Variants in MTMR12 observed in about 807,000 individuals in gnomAD.
The protein encoded by MTMR12 is myotubularin-related protein 12.
MTMR12 carries 33 observed loss-of-function variants against 96.7 expected under a neutral mutation model. The observed-to-expected ratio is 0.34, with a 90% CI of 0.26 to 0.46. The LOEUF (loss-of-function observed/expected upper bound fraction) is 0.46. Ranked by LOEUF, MTMR12 falls within the 20% of genes least tolerant of loss-of-function variation. The pLI is 1.00. For synonymous variants in MTMR12, 298 were observed against 327.2 expected (o/e 0.91, Z 0.96); for missense variants, 721 against 896.1 (o/e 0.80, Z 2.49).
At chr5:32,308,099 G>T (rs904366010) in intron 1 of MTMR12, among the ~76,000 whole-genome samples, 1 of 152,152 alleles carries the variant, frequency 6.6e-6, no homozygotes, top group East Asian at 1.9e-4. Flanking sequence ...CAAGGTGGGC[G>T]GGTCACGAGG....
intron 13 of MTMR12, among the ~76,000 whole-genome samples, chr5:32,237,260 A>C (rs1042248904): frequency 5.9e-5 from 9 of 152,156 alleles, no homozygotes; most frequent in African/African-American, 2.2e-4. Context: ...GTGTGTTTTC[A>C]TTTTTCCTTC....
chr5:32,310,413 T>C (rs1424269657), intron 1 of MTMR12, among the ~76,000 whole-genome samples: 1 of 152,110 alleles, frequency 6.6e-6, no homozygotes, highest in Non-Finnish European at 1.5e-5. Flanking sequence ...GTGTCCATCA[T>C]CAACAAATGA....
At chr5:32,268,608 A>C (rs1341407748) in intron 6 of MTMR12, 93 bp downstream of exon 6, 3 of 1,044,664 alleles carry the variant, frequency 2.9e-6, no homozygotes, top group Non-Finnish European at 4.4e-6. Context: ...GGAAAAAACA[A>C]AACAACCCAT....
In MTMR12 at chr5:32,227,032, C is replaced by T. The variant is rs2111958873; in HGVS notation, c.*2746G>A. 6.5e-6 allele frequency: 1 copy of T among 152,736 alleles called. No homozygotes were observed. The highest frequency in any genetic ancestry group is 1.9e-4 in the East Asian group (1 of 5,194). The allele number at this position is 152,736 out of a possible 1,614,324, so 9.5% of individuals were successfully genotyped here. A position where few individuals can be genotyped will look rare whatever the true frequency, so the allele number is the denominator to read the frequency against. On this transcript the variant is annotated 3_prime_UTR_variant, in exon 16 of 16. Transcript: ENST00000382142. Reference sequence around the variant, plus strand: ...TTGCTTGTAAATTGTGCTTTAATTTCTGCAATCAGATATGATGCAGTGAGA... The same window carrying T: ...TTGCTTGTAAATTGTGCTTTAATTTTTGCAATCAGATATGATGCAGTGAGA...
chr5:32,302,087 T>A (rs1751173228), intron 1 of MTMR12, among the ~76,000 whole-genome samples: 2 of 152,036 alleles, frequency 1.3e-5, no homozygotes, highest in African/African-American at 4.8e-5. Flanking sequence ...ATAAGCCCTA[T>A]CTTACGGCTG....
chr5:32,287,582 G>A (rs532777638), intron 1 of MTMR12, among the ~76,000 whole-genome samples: 3 of 152,208 alleles, frequency 2.0e-5, no homozygotes, highest in African/African-American at 7.2e-5. Flanking sequence ...TGTCCATCTA[G>A]GAACCCTAAT....
chr5:32,295,093 G>C (rs547354293), intron 1 of MTMR12, among the ~76,000 whole-genome samples: 9 of 152,342 alleles, frequency 5.9e-5, no homozygotes. Context: ...AACAGGATTT[G>C]TTTCCTGAAG....
At chr5:32,311,208 A>T (rs1015119857) in intron 1 of MTMR12, among the ~76,000 whole-genome samples, 8 of 152,158 alleles carry the variant, frequency 5.3e-5, no homozygotes, top group Non-Finnish European at 8.8e-5. Flanking sequence ...ACCCACAAAA[A>T]TTTTTTAAAT....
chr5:32,235,669 G>A (rs1260203990), intron 13 of MTMR12, among the ~76,000 whole-genome samples: 1 of 152,158 alleles, frequency 6.6e-6, no homozygotes, highest in East Asian at 1.9e-4. Context: ...CGCAGTGAGG[G>A]CCCAGAAGAC....
intron 1 of MTMR12, among the ~76,000 whole-genome samples, chr5:32,277,436 C>G (rs951184511): frequency 6.6e-6 from 1 of 152,096 alleles, no homozygotes. Context: ...TGGTGGCTCA[C>G]ACCTGTAATT....
intron 6 of MTMR12, among the ~76,000 whole-genome samples, chr5:32,265,102 C>T (rs1305440795): frequency 6.6e-6 from 1 of 152,164 alleles, no homozygotes; most frequent in Non-Finnish European, 1.5e-5. Context: ...GACCTTCCAA[C>T]CAAAACACAT....
intron 1 of MTMR12, among the ~76,000 whole-genome samples, chr5:32,287,342 T>C (rs771364809): frequency 5.9e-5 from 9 of 152,152 alleles, no homozygotes; most frequent in African/African-American, 9.7e-5. Context: ...CAGAAAAACA[T>C]GAAAAGGTGA....
At position 32,228,427 on chromosome 5, in the gene MTMR12, T is replaced by A. The variant is rs567728535; in HGVS notation, c.*1351A>T. Reference sequence around the variant, plus strand: ...ATTTAAAACATTCTAATGAGTTTTGTTTTTTTCCTCTTTTATGCGATTTGA... The same window carrying A: ...ATTTAAAACATTCTAATGAGTTTTGATTTTTTCCTCTTTTATGCGATTTGA... On this transcript the variant is annotated 3_prime_UTR_variant, in exon 16 of 16. Transcript: ENST00000382142. 1 of 148,134 alleles carries A rather than the reference T, an allele frequency of 6.8e-6. No homozygotes were observed. The highest frequency in any genetic ancestry group is 2.1e-4 in the South Asian group (1 of 4,788). 9.2% of individuals were successfully genotyped at this position (148,134 alleles called of 1,614,324 possible).
At chr5:32,274,260 G>T in intron 2 of MTMR12, 138 bp from the exon 3 acceptor site, 1 of 1,036,226 alleles carries the variant, frequency 9.7e-7, no homozygotes, top group Non-Finnish European at 1.4e-6. Context: ...ACACTTTTCA[G>T]CATGGCAGGA....
chr5:32,263,247 G>A lies in MTMR12; in HGVS notation c.584-5C>T, dbSNP rs202238461. ...TATGGTTCTTGGGATCAGTGACTAA[G>A]AGAACAAAATGTAAAAGACAATAAA... On this transcript the variant is annotated splice_polypyrimidine_tract_variant and splice_region_variant and intron_variant, in intron 6 of 15. Coordinates refer to ENST00000382142, the MANE Select transcript of MTMR12 (RefSeq NM_001040446.3). 7 of 1,613,754 alleles carry A rather than the reference G, an allele frequency of 4.3e-6. No individual in the cohort carries two copies. In the Admixed American group the frequency reaches 6.7e-5, roughly 15 times the overall value.
At chr5:32,289,511 G>A (rs1750665954) in intron 1 of MTMR12, among the ~76,000 whole-genome samples, 1 of 152,150 alleles carries the variant, frequency 6.6e-6, no homozygotes, top group Non-Finnish European at 1.5e-5. Flanking sequence ...AGTGTGCACT[G>A]GGGAAAGGGA....
chr5:32,274,225 A>G (rs1749961337), intron 2 of MTMR12, 103 bp from the exon 3 acceptor site: 1 of 1,336,642 alleles, frequency 7.5e-7, no homozygotes, highest in Non-Finnish European at 1.0e-6. Flanking sequence ...CAAACATACA[A>G]TACAACACAG....
chr5:32,307,048 T>C (rs575457946), intron 1 of MTMR12, among the ~76,000 whole-genome samples: 4 of 152,322 alleles, frequency 2.6e-5, no homozygotes, highest in South Asian at 2.1e-4. Context: ...ACAATATACA[T>C]TTTTGGTGAA....
intron 2 of MTMR12, among the ~76,000 whole-genome samples, chr5:32,275,792 G>A (rs1162494146): frequency 6.6e-6 from 1 of 152,068 alleles, no homozygotes; most frequent in Non-Finnish European, 1.5e-5. Context: ...AACAAGAGGA[G>A]ATAAGGTTTA....
Sources: gnomAD v4.1 joint callset for allele counts (sites outside exome capture counted in the v4.1 genomes callset) on GRCh38, gnomAD v4.1.1 for gene constraint, MANE v1.5 for transcripts, NCBI Gene and HGNC (gene_info 2026-07-23, HGNC 2026-07-21) for gene names.